TOR4A: variants seen among roughly 807,000 people sequenced by gnomAD.
The protein encoded by TOR4A is torsin family 4 member A.
In TOR4A, 12 loss-of-function variants were observed where a neutral mutation model predicts 11.5. That is an observed-to-expected ratio of 1.04 (90% CI 0.67 to 1.69). The LOEUF (loss-of-function observed/expected upper bound fraction) is 1.69. Ranked by LOEUF, TOR4A falls within the 40% of genes most tolerant of loss-of-function variation. The pLI, the probability that TOR4A is intolerant of heterozygous loss-of-function variation, is 0.00. For missense variants in TOR4A, 640 were observed against 643.2 expected, an observed-to-expected ratio of 0.99 and a Z score of 0.05; for synonymous variants, 362 against 307.4, an observed-to-expected ratio of 1.18 and a Z score of -1.86.
At position 137,278,946 on chromosome 9, in the gene TOR4A, C is replaced by T; in HGVS notation, c.257C>T (p.Pro86Leu). Residue 86 changes from proline to leucine, a missense_variant, in exon 2 of 2, where the codon CCC becomes CTC. By Grantham distance (98) the Pro-to-Leu change is moderately conservative. Transcript: ENST00000357503. ...FFTFDSPAELPSRTPRKKRRR... is the reference protein window; with the variant it reads ...FFTFDSPAELLSRTPRKKRRR... ...ACCTTCGACAGCCCCGCGGAGCTAC[C>T]CTCCAGGACGCCACGCAAGAAGCGC... The T allele has an allele frequency of 1.2e-6, 2 of 1,602,064 alleles. No individual in the cohort carries two copies. Among genetic ancestry groups the T allele is most frequent in the South Asian group, 1.1e-5 (1 of 90,176 alleles).
Position 137,278,877 on chromosome 9 carries a change from G to A in TOR4A, c.188G>A (p.Ser63Asn). 1 of 1,539,416 alleles carries A rather than the reference G, an allele frequency of 6.5e-7. No individual in the cohort carries two copies. The highest frequency in any genetic ancestry group is 1.4e-5 in the African/African-American group (1 of 73,110). ...VGTGAPRPGC[S>N]PRAPRADLDQ... ...ACCGGGGCGCCCAGGCCGGGCTGCA[G>A]CCCCCGGGCACCGCGCGCGGACCTG... The change falls in exon 2 of 2, where the codon AGC (serine) becomes AAC (asparagine). Residue 63 changes from serine to asparagine, a missense_variant. Physicochemically the swap from Ser to Asn is conservative, Grantham distance 46. Coordinates refer to ENST00000357503, the MANE Select transcript of TOR4A (RefSeq NM_017723.3).
At position 137,279,387 on chromosome 9, in the gene TOR4A, C is replaced by T. The variant is rs1249950557; in HGVS notation, c.698C>T (p.Ala233Val). 3 of 1,521,848 alleles carry T rather than the reference C, an allele frequency of 2.0e-6. No individual in the cohort carries two copies. Among genetic ancestry groups the T allele is most frequent in the Admixed American group, 2.1e-5 (1 of 47,772 alleles). 94.3% of individuals were successfully genotyped at this position (1,521,848 alleles called of 1,614,324 possible). A position where few individuals can be genotyped will look rare whatever the true frequency, so the allele number is the denominator to read the frequency against. Residue 233 changes from alanine (A) to valine (V), a missense_variant, in exon 2 of 2, where the codon GCG becomes GTG. Coordinates refer to ENST00000357503, the MANE Select transcript of TOR4A (RefSeq NM_017723.3). The stretch of plus-strand genomic sequence containing the variant: ...CATGCGCGGCACCACTGCCCCGAGG[C>T]GCGCGCCGCACAGGACTGCCGCGAG... ...QYHARHHCPE[A>V]RAAQDCREEL...
In TOR4A at chr9:137,279,548, C is replaced by G; in HGVS notation, c.859C>G (p.Arg287Gly). Residue 287 changes from arginine (R) to glycine (G), a missense_variant, in exon 2 of 2, where the codon CGC becomes GGC. Coordinates refer to ENST00000357503, the MANE Select transcript of TOR4A (RefSeq NM_017723.3). ...DELHGFLQPQRSHHFHNAIYV... is the reference protein window; with the variant it reads ...DELHGFLQPQGSHHFHNAIYV... ...GCTGCACGGCTTCCTGCAGCCGCAG[C>G]GCTCCCACCACTTCCACAACGCCAT... is the stretch of plus-strand genomic sequence containing the variant. 1 of 1,585,308 alleles carries G rather than the reference C, an allele frequency of 6.3e-7. No homozygotes were observed. Among genetic ancestry groups the G allele is most frequent in the Non-Finnish European group, 8.6e-7 (1 of 1,169,542 alleles).
chr9:137,279,175 C>T lies in TOR4A; in HGVS notation c.486C>T (p.Phe162=), dbSNP rs750687441. ...AGAAAGCGCTGCAGCGCGCGGTGTT[C>T]GGCCAGCCCGCTGCCGTATCGCGCA... The part of the protein sequence containing the change: ...GLEKALQRAV[F]GQPAAVSRIV... The change falls in exon 2 of 2, where the codon TTC becomes TTT. Residue 162 remains phenylalanine, a synonymous_variant. Transcript: ENST00000357503. 33 of 1,558,714 alleles carry T rather than the reference C, an allele frequency of 2.1e-5. No individual in the cohort carries two copies. The highest frequency in any genetic ancestry group is 3.3e-4 in the Middle Eastern group (2 of 5,990).
chr9:137,279,263 C>T lies in TOR4A; in HGVS notation c.574C>T (p.Leu192=), dbSNP rs755991766. 151 of 1,535,168 alleles carry T rather than the reference C, an allele frequency of 9.8e-5. No individual in the cohort carries two copies. The highest frequency in any genetic ancestry group is 1.7e-4 in the Middle Eastern group (1 of 5,780). The change falls in exon 2 of 2, where the codon CTG becomes TTG. Residue 192 remains leucine (L), a synonymous_variant. Coordinates refer to ENST00000357503, the MANE Select transcript of TOR4A (RefSeq NM_017723.3). The part of the protein sequence containing the change: ...HVHSRPLLLA[L]HGPSGVGKSH... ...GCACAGTCGTCCGCTCCTCCTGGCG[C>T]TGCACGGGCCCAGTGGCGTGGGCAA...
In TOR4A at chr9:137,279,795, G is replaced by C; in HGVS notation, c.1106G>C (p.Arg369Pro). ...GTGCCGTTTCTGCTGCTGGACAAGC[G>C]GGATGTGGTCAGCTGCTTCCGGGAC... ...AIVPFLLLDK[R>P]DVVSCFRDEM... Residue 369 changes from arginine (R) to proline (P), a missense_variant, in exon 2 of 2, where the codon CGG (arginine) becomes CCG (proline). Transcript: ENST00000357503. 6 of 1,595,944 alleles carry C rather than the reference G, an allele frequency of 3.8e-6. No homozygotes were observed. Among genetic ancestry groups the C allele is most frequent in the Non-Finnish European group, 5.1e-6 (6 of 1,176,938 alleles).
chr9:137,278,786 C>T lies in TOR4A; in HGVS notation c.97C>T (p.Arg33Cys). The T allele has an allele frequency of 6.9e-7, 1 of 1,447,872 alleles. No homozygotes were observed. The allele number at this position is 1,447,872 out of a possible 1,614,324, so 89.7% of individuals were successfully genotyped here. The change falls in exon 2 of 2, where the codon CGC becomes TGC. Residue 33 changes from arginine (R) to cysteine (C), a missense_variant. By Grantham distance (180) the Arg-to-Cys change is radical. Coordinates refer to ENST00000357503, the MANE Select transcript of TOR4A (RefSeq NM_017723.3). ...GCCCGTGCGCGCTGTGCTCCGCCTG[C>T]GCCGCCGGGTGTGTGTCCTACGCAA... is the stretch of plus-strand genomic sequence containing the variant. The part of the protein sequence containing the change: ...IAPVRAVLRL[R>C]RRVCVLRKRR...
chr9:137,279,340 C>G lies in TOR4A; in HGVS notation c.651C>G (p.Asp217Glu), dbSNP rs1005387168. ...GCCACTTCCGCTCGGTGCTGGAGGA[C>G]AGCGCGCTCGTGCTGCAATACCATG... ...LARHFRSVLE[D>E]SALVLQYHAR... Residue 217 changes from aspartate (D) to glutamate (E), a missense_variant, in exon 2 of 2, where the codon GAC becomes GAG. Asp to Glu is a conservative substitution (Grantham distance 45). Coordinates refer to ENST00000357503, the MANE Select transcript of TOR4A (RefSeq NM_017723.3). 5.2e-6 allele frequency: 8 copies of G among 1,532,436 alleles called. No individual in the cohort carries two copies. Among genetic ancestry groups the G allele is most frequent in the Non-Finnish European group, 1.7e-6 (2 of 1,143,920 alleles). 94.9% of individuals were successfully genotyped at this position (1,532,436 alleles called of 1,614,324 possible). A position where few individuals can be genotyped will look rare whatever the true frequency, so the allele number is the denominator to read the frequency against.
chr9:137,279,905 C>A lies in TOR4A; in HGVS notation c.1216C>A (p.Arg406Ser). Residue 406 changes from arginine to serine, a missense_variant, in exon 2 of 2, where the codon CGC (arginine) becomes AGC (serine). Arg to Ser is a moderately radical substitution (Grantham distance 110). Coordinates refer to ENST00000357503, the MANE Select transcript of TOR4A (RefSeq NM_017723.3). ...GCTCAGCTTCTACCGCGTGGCTGGC[C>A]GCGAGTTTGCCGTCACCGGCTGCAA... is the stretch of plus-strand genomic sequence containing the variant. ...AQLSFYRVAG[R>S]EFAVTGCKQV... 1 of 1,578,952 alleles carries A rather than the reference C, an allele frequency of 6.3e-7. No individual in the cohort carries two copies. Among genetic ancestry groups the A allele is most frequent in the Non-Finnish European group, 8.6e-7 (1 of 1,164,464 alleles).
Position 137,279,349 on chromosome 9 carries a change from C to G in TOR4A, c.660C>G (p.Leu220=), listed in dbSNP as rs762527311. ...GCTCGGTGCTGGAGGACAGCGCGCT[C>G]GTGCTGCAATACCATGCGCGGCACC... ...HFRSVLEDSA[L]VLQYHARHHC... The change falls in exon 2 of 2, where the codon CTC becomes CTG. Residue 220 remains leucine (L), a synonymous_variant. Transcript: ENST00000357503. 7 of 1,531,864 alleles carry G rather than the reference C, an allele frequency of 4.6e-6. No individual in the cohort carries two copies. The highest frequency in any genetic ancestry group is 1.4e-5 in the African/African-American group (1 of 72,832). 94.9% of individuals were successfully genotyped at this position (1,531,864 alleles called of 1,614,324 possible). A position where few individuals can be genotyped will look rare whatever the true frequency, so the allele number is the denominator to read the frequency against.
rs1349796802 is a variant in TOR4A at position 137,279,860 on chromosome 9, G to T, written c.1171G>T (p.Ala391Ser). ...GGGCTTCTTTCCTGACCAGGCCCGC[G>T]CGGAGAACCTGGCCGCGCAGCTCAG... ...GEGFFPDQAR[A>S]ENLAAQLSFY... The change falls in exon 2 of 2, where the codon GCG (alanine) becomes TCG (serine). Residue 391 changes from alanine (A) to serine (S), a missense_variant. Transcript: ENST00000357503. The T allele has an allele frequency of 3.1e-6, 5 of 1,588,922 alleles. No homozygotes were observed. Among genetic ancestry groups the T allele is most frequent in the Non-Finnish European group, 3.4e-6 (4 of 1,171,348 alleles).
Position 137,280,150 on chromosome 9 carries a change from C to T in TOR4A, c.*189C>T, listed in dbSNP as rs1830697905. 4.4e-6 allele frequency: 3 copies of T among 689,368 alleles called. No individual in the cohort carries two copies. Among genetic ancestry groups the T allele is most frequent in the Non-Finnish European group, 7.3e-6 (3 of 410,980 alleles). 42.7% of individuals were successfully genotyped at this position (689,368 alleles called of 1,614,324 possible). A position where few individuals can be genotyped will look rare whatever the true frequency, so the allele number is the denominator to read the frequency against. ...AGAGTCCGGAGTCTGTCCCTGGGGG[C>T]GGCAGGACAGCAGCCACCTCCCTCC... On this transcript the variant is annotated 3_prime_UTR_variant, in exon 2 of 2. Coordinates refer to ENST00000357503, the MANE Select transcript of TOR4A (RefSeq NM_017723.3).
chr9:137,278,701 C>T lies in TOR4A; in HGVS notation c.12C>T (p.Gly4=). 1.5e-6 allele frequency: 2 copies of T among 1,350,854 alleles called. No homozygotes were observed. The highest frequency in any genetic ancestry group is 1.9e-6 in the Non-Finnish European group (2 of 1,056,014). The allele number at this position is 1,350,854 out of a possible 1,614,324, so 83.7% of individuals were successfully genotyped here. The part of the protein sequence containing the change: MDR[G]QPSLEPAAAA... The stretch of plus-strand genomic sequence containing the variant: ...GCCGTTCCTGCGACATGGACCGCGG[C>T]CAGCCCAGCCTGGAGCCTGCTGCCG... The change falls in exon 2 of 2, where the codon GGC becomes GGT. Residue 4 remains glycine (G), a synonymous_variant. Coordinates refer to ENST00000357503, the MANE Select transcript of TOR4A (RefSeq NM_017723.3).
rs201206306 is a variant in TOR4A at position 137,279,185 on chromosome 9, G to A, written c.496G>A (p.Ala166Thr). The A allele has an allele frequency of 1.3e-6, 2 of 1,556,530 alleles. No homozygotes were observed. Among genetic ancestry groups the A allele is most frequent in the Non-Finnish European group, 1.7e-6 (2 of 1,150,864 alleles). The part of the protein sequence containing the change: ...ALQRAVFGQP[A>T]AVSRIVALMR... ...GCAGCGCGCGGTGTTCGGCCAGCCCGCTGCCGTATCGCGCATCGTGGCGCT... is the reference window on the plus strand; with the variant it reads ...GCAGCGCGCGGTGTTCGGCCAGCCCACTGCCGTATCGCGCATCGTGGCGCT... The change falls in exon 2 of 2, where the codon GCT (alanine) becomes ACT (threonine). Residue 166 changes from alanine (A) to threonine (T), a missense_variant. Coordinates refer to ENST00000357503, the MANE Select transcript of TOR4A (RefSeq NM_017723.3).
rs895618118 is a variant in TOR4A at position 137,281,604 on chromosome 9, C to G, written c.*1643C>G. ...GCGGCTCCGCGGAGCTCGAGCTCGG[C>G]GCGCAGGTCCTGGGCCCAGGGCGGG... On this transcript the variant is annotated 3_prime_UTR_variant, in exon 2 of 2. Transcript: ENST00000357503. 6.3e-6 allele frequency: 1 copy of G among 157,954 alleles called. No individual in the cohort carries two copies. Among genetic ancestry groups the G allele is most frequent in the African/African-American group, 2.4e-5 (1 of 41,538 alleles). 9.8% of individuals were successfully genotyped at this position (157,954 alleles called of 1,614,324 possible). A position where few individuals can be genotyped will look rare whatever the true frequency, so the allele number is the denominator to read the frequency against.
rs1830693893 is a variant in TOR4A at position 137,279,788 on chromosome 9, G to C, written c.1099G>C (p.Asp367His). 18 of 1,594,416 alleles carry C rather than the reference G, an allele frequency of 1.1e-5. No homozygotes were observed. The highest frequency in any genetic ancestry group is 1.5e-5 in the Non-Finnish European group (18 of 1,176,572). The change falls in exon 2 of 2, where the codon GAC becomes CAC. Residue 367 changes from aspartate (D) to histidine (H), a missense_variant. Coordinates refer to ENST00000357503, the MANE Select transcript of TOR4A (RefSeq NM_017723.3). ...AAAIVPFLLL[D>H]KRDVVSCFRD... ...GGCCATCGTGCCGTTTCTGCTGCTG[G>C]ACAAGCGGGATGTGGTCAGCTGCTT...
rs1202154066 is a variant in TOR4A, at chr9:137,282,129, A to G, written c.*2168A>G. On this transcript the variant is annotated 3_prime_UTR_variant, in exon 2 of 2. Transcript: ENST00000357503. ...TGGGCCATTCATCCACCTGTCAGTC[A>G]ACAACACCCGCTGAGCATCGGCTTG... The G allele has an allele frequency of 6.0e-6, 1 of 167,124 alleles. No individual in the cohort carries two copies. The highest frequency in any genetic ancestry group is 1.5e-5 in the Non-Finnish European group (1 of 68,148). 10.4% of individuals were successfully genotyped at this position (167,124 alleles called of 1,614,324 possible). A position where few individuals can be genotyped will look rare whatever the true frequency, so the allele number is the denominator to read the frequency against.
Position 137,279,140 on chromosome 9 carries a change from G to A in TOR4A, c.451G>A (p.Asp151Asn), listed in dbSNP as rs141961517. The A allele has an allele frequency of 6.3e-7, 1 of 1,580,278 alleles. No homozygotes were observed. The highest frequency in any genetic ancestry group is 8.6e-7 in the Non-Finnish European group (1 of 1,163,574). Residue 151 changes from aspartate to asparagine, a missense_variant, in exon 2 of 2, where the codon GAC (aspartate) becomes AAC (asparagine). Asp to Asn is a conservative substitution (Grantham distance 23). Transcript: ENST00000357503. ...CGATAACGCGCAGCGCTATGACCTC[G>A]ACGGGCTGGAGAAAGCGCTGCAGCG... ...LDDNAQRYDL[D>N]GLEKALQRAV...
chr9:137,278,545 C>A (rs998025125), intron 1 of TOR4A, 108 bp from the exon 2 acceptor site: 1 of 811,630 alleles, frequency 1.2e-6, no homozygotes, highest in Non-Finnish European at 1.6e-6. Context: ...CCGGGCCGCA[C>A]CCCACGGGAC....
Sources: gnomAD v4.1 joint callset for allele counts on GRCh38, gnomAD v4.1.1 for gene constraint, MANE v1.5 for transcripts, NCBI Gene and HGNC (gene_info 2026-07-23, HGNC 2026-07-21) for gene names.